The following ANK2 variants were observed in gnomAD, a reference collection of about 807,000 sequenced individuals.
The protein encoded by ANK2 is ankyrin-2.
A neutral mutation model predicts 360.5 loss-of-function variants in ANK2; 83 were observed. The ratio of observed to expected loss-of-function variants is 0.23; its 90% CI spans 0.19 to 0.28. The LOEUF (loss-of-function observed/expected upper bound fraction) is 0.28. Ranked by LOEUF, ANK2 falls within the 10% of genes least tolerant of loss-of-function variation. The pLI is 1.00. For synonymous variants in ANK2, 1,740 were observed against 1,759.5 expected (o/e 0.99, Z 0.28); for missense variants, 4,201 against 4,795.7 (o/e 0.88, Z 3.66).
At chr4:112,787,120 TC>T in the ANK2 span, among the ~76,000 whole-genome samples, 1 of 152,230 alleles carries the variant, frequency 6.6e-6, no homozygotes, top group African/African-American at 2.4e-5. Flanking sequence ...TTCTATTTAA[TC>T]TGATAGGTAC....
At chr4:113,222,955 A>G (rs1005994481) in intron 4 of ANK2, among the ~76,000 whole-genome samples, 1 of 152,230 alleles carries the variant, frequency 6.6e-6, no homozygotes, top group South Asian at 2.1e-4. Flanking sequence ...CTAAACAAGT[A>G]TATAATCATA....
At chr4:113,347,114 A>C (rs2094947900) in intron 35 of ANK2, among the ~76,000 whole-genome samples, 1 of 152,046 alleles carries the variant, frequency 6.6e-6, no homozygotes, top group African/African-American at 2.4e-5. Flanking sequence ...AAAGTCCTAT[A>C]CTTCTTTTTC....
Position 113,357,155 on chromosome 4 carries a change from C to T in ANK2, c.8537C>T (p.Ser2846Phe), listed in dbSNP as rs1460156183. The change falls in exon 38 of 46, where the codon TCT becomes TTT. Residue 2846 changes from serine to phenylalanine, a missense_variant. Physicochemically the swap from Ser to Phe is radical, Grantham distance 155. This residue lies in a region of ANK2 where 2,642 missense variants were observed against 2,714.5 expected (regional missense o/e 0.97). Transcript: ENST00000357077. ...QADCPSESFS[S>F]SSSLPHCLVS... The stretch of plus-strand genomic sequence containing the variant: ...GATTGCCCCAGTGAAAGCTTTTCAT[C>T]TTCATCCTCTTTGCCTCATTGTTTG... The T allele has an allele frequency of 6.2e-7, 1 of 1,614,004 alleles. No homozygotes were observed. Among genetic ancestry groups the T allele is most frequent in the African/African-American group, 1.3e-5 (1 of 74,920 alleles).
At chr4:113,028,353 C>G (rs182709965) in intron 2 of ANK2, among the ~76,000 whole-genome samples, 1 of 152,064 alleles carries the variant, frequency 6.6e-6, no homozygotes, top group African/African-American at 2.4e-5. Context: ...TCAGTCAGAA[C>G]ACAGCAAGTT....
Position 113,330,311 on chromosome 4 carries a change from T to C in ANK2, c.2966T>C (p.Leu989Pro), listed in dbSNP as rs1454229259. The change falls in exon 27 of 46, where the codon CTC (leucine) becomes CCC (proline). Residue 989 changes from leucine to proline, a missense_variant. By Grantham distance (98) the Leu-to-Pro change is moderately conservative. Around this residue, in one of 4 missense-constraint regions of ANK2, gnomAD observed 1,268 missense variants for 1,650.8 expected, o/e 0.77. Transcript: ENST00000357077. ...GAMRGCRHNG[L>P]RIIIPPRKCT... is the part of the protein sequence containing the mutation. ...ATGCGAGGATGCAGACACAATGGGC[T>C]CCGAATCATTATTCCACCTCGGAAA... 6.2e-7 allele frequency: 1 copy of C among 1,614,216 alleles called. No homozygotes were observed. Among genetic ancestry groups the C allele is most frequent in the South Asian group, 1.1e-5 (1 of 91,090 alleles).
intron 2 of ANK2, among the ~76,000 whole-genome samples, chr4:112,927,044 AC>A (rs2092643872): frequency 6.6e-6 from 1 of 152,100 alleles, no homozygotes; most frequent in East Asian, 1.9e-4. Context: ...TTATAAAACC[AC>A]CCCATCTGGT....
chr4:112,800,123 T>G, the ANK2 span, among the ~76,000 whole-genome samples: 1 of 152,178 alleles, frequency 6.6e-6, no homozygotes, highest in African/African-American at 2.4e-5. Flanking sequence ...GAGTTCAAAT[T>G]TCGGCAAAAT....
chr4:113,381,530 G>C lies in ANK2; in HGVS notation c.*59G>C. 1.2e-6 allele frequency: 2 copies of C among 1,613,654 alleles called. No homozygotes were observed. The highest frequency in any genetic ancestry group is 1.7e-6 in the Non-Finnish European group (2 of 1,179,830). On this transcript the variant is annotated 3_prime_UTR_variant, in exon 46 of 46. Coordinates refer to ENST00000357077, the MANE Select transcript of ANK2 (RefSeq NM_001148.6). ...CCAGCATGGAAAACGCATTGACTTG[G>C]AGCACCTGGAGGATGTACCAGAAGC...
At chr4:112,758,118 C>T in the ANK2 span, among the ~76,000 whole-genome samples, 1 of 151,696 alleles carries the variant, frequency 6.6e-6, no homozygotes, top group Admixed American at 6.6e-5. Flanking sequence ...CCATGTTGGT[C>T]ACTCAGGTCC....
intron 1 of ANK2, among the ~76,000 whole-genome samples, chr4:113,096,899 T>G: frequency 6.6e-6 from 1 of 151,792 alleles, no homozygotes; most frequent in East Asian, 2.0e-4. Context: ...AGTCTGGGCT[T>G]AAATTCAAGC....
intron 2 of ANK2, among the ~76,000 whole-genome samples, chr4:112,976,726 C>G (rs2041560775): frequency 6.6e-6 from 1 of 151,484 alleles, no homozygotes; most frequent in Non-Finnish European, 1.5e-5. Context: ...TTTTTTTTCC[C>G]CTTTAAGAGA....
At position 113,258,067 on chromosome 4, in the gene ANK2, G is replaced by A. The variant is rs1287228280; in HGVS notation, c.1206G>A (p.Leu402=). The change falls in exon 12 of 46, where the codon CTG becomes CTA. Residue 402 remains leucine, a synonymous_variant. Transcript: ENST00000357077. ...NARALNGFTP[L]HIACKKNRIK... ...TTGCACAGAATGGTTTTACTCCACT[G>A]CACATTGCCTGCAAGAAAAACCGCA... 1 of 1,614,006 alleles carries A rather than the reference G, an allele frequency of 6.2e-7. No homozygotes were observed. The highest frequency in any genetic ancestry group is 1.3e-5 in the African/African-American group (1 of 74,934).
chr4:113,113,628 C>T (rs1325386858), intron 1 of ANK2, among the ~76,000 whole-genome samples: 1 of 152,158 alleles, frequency 6.6e-6, no homozygotes, highest in African/African-American at 2.4e-5. Flanking sequence ...TGGAAGGAAT[C>T]AGCTTTTGTT....
chr4:113,139,613 G>T (rs1469527565), intron 1 of ANK2, among the ~76,000 whole-genome samples: 2 of 151,918 alleles, frequency 1.3e-5, no homozygotes, highest in Non-Finnish European at 2.9e-5. Context: ...AGTCCGATGT[G>T]ATAGAACATA....
intron 2 of ANK2, among the ~76,000 whole-genome samples, chr4:112,994,008 G>A (rs1185213883): frequency 1.3e-5 from 2 of 152,004 alleles, no homozygotes; most frequent in African/African-American, 2.4e-5. Flanking sequence ...ATGCCCGGCC[G>A]GCAACTGCAT....
chr4:112,947,990 G>A (rs1161964200), intron 2 of ANK2, among the ~76,000 whole-genome samples: 6 of 152,174 alleles, frequency 3.9e-5, no homozygotes, highest in African/African-American at 9.7e-5. Context: ...TCTACTTAGT[G>A]CTCTGAGCAC....
chr4:112,825,138 A>G (rs190326602), intron 1 of ANK2, among the ~76,000 whole-genome samples: 2 of 152,270 alleles, frequency 1.3e-5, no homozygotes, highest in Admixed American at 1.3e-4. Flanking sequence ...GAATTGAACA[A>G]TGAGAACACC....
At chr4:112,945,975 GA>G (rs1461610835) in intron 2 of ANK2, among the ~76,000 whole-genome samples, 1 of 152,186 alleles carries the variant, frequency 6.6e-6, no homozygotes, top group Non-Finnish European at 1.5e-5. Context: ...GTGACTGGGA[GA>G]GAGTTAGTGT....
At chr4:112,856,611 C>T (rs1412784665) in intron 1 of ANK2, among the ~76,000 whole-genome samples, 1 of 152,112 alleles carries the variant, frequency 6.6e-6, no homozygotes, top group Non-Finnish European at 1.5e-5. Context: ...ACCTGTAATC[C>T]CAGCTACTCA....
Sources: allele counts gnomAD v4.1 joint callset (sites outside exome capture counted in the v4.1 genomes callset), GRCh38; gene constraint gnomAD v4.1.1; regional missense constraint gnomAD v4.1.1; transcripts MANE v1.5; gene names NCBI Gene and HGNC (gene_info 2026-07-23, HGNC 2026-07-21).